SPAG16: variants seen among roughly 807,000 people sequenced by gnomAD.
SPAG16 encodes the protein sperm-associated antigen 16 protein.
Under a neutral mutation model 80.4 loss-of-function variants are expected in SPAG16, and 86 were observed. The observed-to-expected ratio is 1.07, with a 90% CI of 0.90 to 1.28. SPAG16 has a LOEUF of 1.28. Ranked by LOEUF, SPAG16 falls within the 50% of genes most tolerant of loss-of-function variation. SPAG16 has a pLI of 0.00. For missense variants in SPAG16, 870 were observed against 765.3 expected (o/e 1.14, Z -1.61); for synonymous variants, 294 against 265.9 (o/e 1.11, Z -1.03).
At chr2:214,033,335 A>T (rs2048521506) in intron 13 of SPAG16, among the ~76,000 whole-genome samples, 1 of 152,172 alleles carries the variant, frequency 6.6e-6, no homozygotes, top group South Asian at 2.1e-4. Context: ...TAAACATGTT[A>T]TTTCAGTACA....
At chr2:213,762,772 G>T (rs1479949990) in intron 10 of SPAG16, among the ~76,000 whole-genome samples, 4 of 152,136 alleles carry the variant, frequency 2.6e-5, no homozygotes, top group African/African-American at 9.7e-5. Context: ...CAAAGGCAGA[G>T]ATAATAAGTC....
intron 15 of SPAG16, among the ~76,000 whole-genome samples, chr2:214,265,842 G>A (rs1691527804): frequency 1.3e-5 from 2 of 151,812 alleles, no homozygotes; most frequent in African/African-American, 2.4e-5. Context: ...GTTCTCAAAG[G>A]GGCCTTTCCT....
chr2:213,297,227 C>T (rs1188751181), intron 2 of SPAG16, 35 bp from the exon 3 acceptor site: 3 of 1,534,058 alleles, frequency 2.0e-6, no homozygotes, highest in South Asian at 1.2e-5. Flanking sequence ...TATTTCTGCT[C>T]ACTCTTCCTA....
chr2:213,304,056 A>C (rs1053606377), intron 3 of SPAG16, among the ~76,000 whole-genome samples: 2 of 152,022 alleles, frequency 1.3e-5, no homozygotes, highest in Non-Finnish European at 2.9e-5. Flanking sequence ...ATTATTGGCT[A>C]TCTTTCAGAT....
chr2:213,661,781 C>A (rs2063435120), intron 10 of SPAG16, among the ~76,000 whole-genome samples: 1 of 152,150 alleles, frequency 6.6e-6, no homozygotes, highest in South Asian at 2.1e-4. Context: ...TTAAAATATT[C>A]AAATATTCTT....
chr2:214,277,079 C>T (rs1031975225), intron 15 of SPAG16, among the ~76,000 whole-genome samples: 16 of 152,076 alleles, frequency 1.1e-4, no homozygotes, highest in Non-Finnish European at 1.8e-4. Flanking sequence ...TTGATCGAAT[C>T]GGCTACTGAA....
chr2:213,375,178 A>G (rs878881536), intron 9 of SPAG16, 59 bp downstream of exon 9: 33 of 1,165,526 alleles, frequency 2.8e-5, no homozygotes, highest in Non-Finnish European at 3.6e-5. Flanking sequence ...CTTTAGATCC[A>G]TTCACTCATA....
At chr2:213,306,084 G>T (rs1156628511) in intron 3 of SPAG16, among the ~76,000 whole-genome samples, 1 of 151,908 alleles carries the variant, frequency 6.6e-6, no homozygotes, top group Non-Finnish European at 1.5e-5. Context: ...ATGTGTCCAG[G>T]AATTTATCCA....
chr2:214,166,959 C>G (rs1247741542), intron 15 of SPAG16, among the ~76,000 whole-genome samples: 1 of 152,042 alleles, frequency 6.6e-6, no homozygotes, highest in African/African-American at 2.4e-5. Context: ...TAAGGACCTC[C>G]CACATCTAAC....
At chr2:213,832,832 A>C (rs58340658) in intron 10 of SPAG16, among the ~76,000 whole-genome samples, 37,773 of 152,058 alleles carry the variant, frequency 0.25, 5,310 homozygotes, top group South Asian at 0.4. Flanking sequence ...ATCTTCGATT[A>C]AATAAATTTG....
chr2:213,411,616 A>G (rs1276126088), intron 9 of SPAG16, among the ~76,000 whole-genome samples: 1 of 152,230 alleles, frequency 6.6e-6, no homozygotes, highest in Non-Finnish European at 1.5e-5. Context: ...CTGCTCTATC[A>G]AATGAGTTAG....
intron 8 of SPAG16, among the ~76,000 whole-genome samples, chr2:213,370,888 A>G (rs1242370336): frequency 2.0e-5 from 3 of 152,218 alleles, no homozygotes; most frequent in Non-Finnish European, 2.9e-5. Flanking sequence ...CTGACCCAAC[A>G]TGGGGAAATA....
chr2:214,389,957 G>A (rs557145905), intron 15 of SPAG16, among the ~76,000 whole-genome samples: 1 of 152,188 alleles, frequency 6.6e-6, no homozygotes, highest in African/African-American at 2.4e-5. Flanking sequence ...TTGTTGGAGT[G>A]CACTTCAAAT....
At chr2:213,950,406 GCA>G (rs1261755249) in intron 12 of SPAG16, among the ~76,000 whole-genome samples, 3 of 152,102 alleles carry the variant, frequency 2.0e-5, no homozygotes, top group South Asian at 4.1e-4. Context: ...GGGCACATAT[GCA>G]CAGTCTCACA....
chr2:213,515,255 C>T (rs2075378218), intron 10 of SPAG16, among the ~76,000 whole-genome samples: 1 of 152,118 alleles, frequency 6.6e-6, no homozygotes, highest in Non-Finnish European at 1.5e-5. Context: ...CTACTGATAT[C>T]TTCAAACTGC....
At chr2:214,227,457 T>A (rs2058721844) in intron 15 of SPAG16, among the ~76,000 whole-genome samples, 1 of 152,018 alleles carries the variant, frequency 6.6e-6, no homozygotes, top group South Asian at 2.1e-4. Flanking sequence ...CCTATTATCC[T>A]TGATTCAACG....
intron 15 of SPAG16, among the ~76,000 whole-genome samples, chr2:214,396,156 CTTGAGTT>C (rs1433021258): frequency 1.3e-5 from 2 of 152,020 alleles, no homozygotes; most frequent in African/African-American, 4.8e-5. Flanking sequence ...TTTTCTTATT[CTTGAGTT>C]TTAAGAGTTC....
At chr2:214,084,051 C>G (rs1287110747) in intron 13 of SPAG16, among the ~76,000 whole-genome samples, 1 of 151,926 alleles carries the variant, frequency 6.6e-6, no homozygotes, top group Non-Finnish European at 1.5e-5. Context: ...TTTGAGAAAA[C>G]CATATAACAT....
intron 14 of SPAG16, among the ~76,000 whole-genome samples, chr2:214,140,650 C>T (rs934329702): frequency 6.6e-6 from 1 of 151,422 alleles, no homozygotes; most frequent in Admixed American, 6.6e-5. Flanking sequence ...TTAGTTATAC[C>T]TTGTGGCTAG....
Sources: allele counts gnomAD v4.1 joint callset (sites outside exome capture counted in the v4.1 genomes callset), GRCh38; gene constraint gnomAD v4.1.1; transcripts MANE v1.5; gene names NCBI Gene and HGNC (gene_info 2026-07-23, HGNC 2026-07-21).